The following PTPRM variants were observed in gnomAD, a reference collection of about 807,000 sequenced individuals.
PTPRM encodes receptor-type tyrosine-protein phosphatase mu.
Under a neutral mutation model 186.7 loss-of-function variants are expected in PTPRM, and 47 were observed. That is an observed-to-expected ratio of 0.25 (90% confidence interval 0.20 to 0.32). The LOEUF is 0.32. Among genes scored for constraint, PTPRM ranks in the 10% least tolerant of loss-of-function variants. PTPRM has a pLI of 1.00. For missense variants in PTPRM, 1,494 were observed against 1,865.0 expected (o/e 0.80, Z 3.66); for synonymous variants, 668 against 674.9 (o/e 0.99, Z 0.16).
In PTPRM at chr18:8,394,541, A is replaced by G; in HGVS notation, c.4274A>G (p.Gln1425Arg). The G allele has an allele frequency of 6.2e-7, 1 of 1,613,902 alleles. No individual in the cohort carries two copies. The highest frequency in any genetic ancestry group is 8.5e-7 in the Non-Finnish European group (1 of 1,179,942). The part of the protein sequence containing the change: ...ISIVCEMLRH[Q>R]RTVDVFHAVK... ...ATCGTATGTGAGATGCTCCGGCACC[A>G]GAGAACCGTGGATGTCTTTCACGCT... The change falls in exon 32 of 33, where the codon CAG becomes CGG. Residue 1425 changes from glutamine (Q) to arginine (R), a missense_variant. By Grantham distance (43) the Gln-to-Arg change is conservative. Coordinates refer to ENST00000580170, the MANE Select transcript of PTPRM (RefSeq NM_001105244.2).
At chr18:7,927,264 T>C (rs950800676) in intron 5 of PTPRM, among the ~76,000 whole-genome samples, 1 of 152,190 alleles carries the variant, frequency 6.6e-6, no homozygotes, top group Admixed American at 6.5e-5. Context: ...TCAGGAATCC[T>C]GACAGAATGA....
At chr18:7,805,356 T>G (rs903054686) in intron 2 of PTPRM, among the ~76,000 whole-genome samples, 11 of 152,218 alleles carry the variant, frequency 7.2e-5, no homozygotes, top group Admixed American at 3.9e-4. Flanking sequence ...TCTACCCATT[T>G]CTTTCCAGAA....
chr18:7,941,404 A>G (rs1568044709), intron 5 of PTPRM, among the ~76,000 whole-genome samples: 2 of 152,258 alleles, frequency 1.3e-5, no homozygotes, highest in Admixed American at 1.3e-4. Flanking sequence ...ATTGTTATGT[A>G]TGTTTTAATG....
chr18:7,705,227 C>G (rs1467619371), intron 1 of PTPRM, among the ~76,000 whole-genome samples: 2 of 152,020 alleles, frequency 1.3e-5, no homozygotes, highest in African/African-American at 4.8e-5. Context: ...GCATGACCTA[C>G]TTTTACAATA....
intron 1 of PTPRM, among the ~76,000 whole-genome samples, chr18:7,732,580 C>T (rs1051397259): frequency 3.3e-5 from 5 of 152,112 alleles, no homozygotes; most frequent in African/African-American, 4.8e-5. Context: ...GATCATAGCT[C>T]ACTGCAGCCT....
At chr18:8,165,196 GAAAT>G in intron 14 of PTPRM, among the ~76,000 whole-genome samples, 1 of 151,192 alleles carries the variant, frequency 6.6e-6, no homozygotes, top group Non-Finnish European at 1.5e-5. Flanking sequence ...AAGAAAGAAA[GAAAT>G]GTTCTAATAC....
At chr18:7,618,170 A>G (rs1183087882) in intron 1 of PTPRM, among the ~76,000 whole-genome samples, 1 of 152,194 alleles carries the variant, frequency 6.6e-6, no homozygotes, top group Non-Finnish European at 1.5e-5. Flanking sequence ...TCTCCACTCA[A>G]AAAACTTTTC....
At chr18:8,078,659 A>C (rs1242899032) in intron 9 of PTPRM, among the ~76,000 whole-genome samples, 1 of 152,208 alleles carries the variant, frequency 6.6e-6, no homozygotes, top group African/African-American at 2.4e-5. Context: ...GAAATGCCAG[A>C]GGCTTGGTAA....
In PTPRM at chr18:8,379,209, A is replaced by G. The variant is rs778224975; in HGVS notation, c.3655A>G (p.Ser1219Gly). Residue 1219 changes from serine (S) to glycine (G), a missense_variant, in exon 28 of 33, where the codon AGC becomes GGC. Physicochemically the swap from Ser to Gly is moderately conservative, Grantham distance 56. Coordinates refer to ENST00000580170, the MANE Select transcript of PTPRM (RefSeq NM_001105244.2). ...ACCAACGCTGCGAGTAGAGGACTGCAGCATCGCACTGTTGCCCCGGAACCA... is the reference window on the plus strand; with the variant it reads ...ACCAACGCTGCGAGTAGAGGACTGCGGCATCGCACTGTTGCCCCGGAACCA... ...VTPTLRVEDC[S>G]IALLPRNHEK... 1.2e-6 allele frequency: 2 copies of G among 1,613,766 alleles called. No individual in the cohort carries two copies. The highest frequency in any genetic ancestry group is 3.3e-5 in the Admixed American group (2 of 59,992).
chr18:8,404,788 G>C (rs1269602269), intron 32 of PTPRM: 1 of 152,274 alleles, frequency 6.6e-6, no homozygotes, highest in Non-Finnish European at 1.5e-5. Context: ...TCTGTCCAGG[G>C]CCGGGCTCCT....
chr18:7,712,612 A>T (rs1205770942), intron 1 of PTPRM, among the ~76,000 whole-genome samples: 2 of 152,062 alleles, frequency 1.3e-5, no homozygotes, highest in African/African-American at 4.8e-5. Context: ...AAGGAAGCTA[A>T]GAATCTTGAA....
At chr18:8,292,404 T>C (rs2095052173) in intron 19 of PTPRM, among the ~76,000 whole-genome samples, 2 of 152,216 alleles carry the variant, frequency 1.3e-5, no homozygotes, top group Non-Finnish European at 2.9e-5. Flanking sequence ...ATAGGTTTAT[T>C]ACTTATTTTC....
intron 2 of PTPRM, among the ~76,000 whole-genome samples, chr18:7,787,353 C>T (rs968265425): frequency 1.3e-5 from 2 of 152,302 alleles, no homozygotes; most frequent in Middle Eastern, 3.4e-3. Context: ...CTGTGGTTGT[C>T]AGCGTTGTTG....
intron 2 of PTPRM, among the ~76,000 whole-genome samples, chr18:7,794,030 G>A (rs2043474706): frequency 1.3e-5 from 2 of 152,122 alleles, no homozygotes; most frequent in Non-Finnish European, 2.9e-5. Flanking sequence ...GGAGAGCCTG[G>A]GCCACTAAGT....
chr18:7,731,635 A>G (rs1480547330), intron 1 of PTPRM, among the ~76,000 whole-genome samples: 1 of 152,142 alleles, frequency 6.6e-6, no homozygotes, highest in African/African-American at 2.4e-5. Flanking sequence ...CTTTTCTTTG[A>G]TCCTACCATG....
chr18:8,361,469 T>C (rs1214601539), intron 23 of PTPRM, among the ~76,000 whole-genome samples: 1 of 152,166 alleles, frequency 6.6e-6, no homozygotes, highest in Non-Finnish European at 1.5e-5. Flanking sequence ...ATCAGAGTGA[T>C]TAAGAAATAG....
chr18:8,222,089 G>C (rs1117757), intron 14 of PTPRM, among the ~76,000 whole-genome samples: 6 of 151,922 alleles, frequency 3.9e-5, no homozygotes, highest in Non-Finnish European at 7.4e-5. Flanking sequence ...TCTTTGCTCA[G>C]TTAAACTCCA....
At chr18:7,901,900 C>G (rs1333510734) in intron 3 of PTPRM, among the ~76,000 whole-genome samples, 1 of 152,134 alleles carries the variant, frequency 6.6e-6, no homozygotes, top group East Asian at 1.9e-4. Context: ...GATGAAGCAG[C>G]TAATAAAACT....
At chr18:8,140,517 A>G (rs778139154) in intron 13 of PTPRM, among the ~76,000 whole-genome samples, 1 of 151,062 alleles carries the variant, frequency 6.6e-6, no homozygotes, top group African/African-American at 2.4e-5. Flanking sequence ...TTTGACTGGA[A>G]TACCACTCTT....
Sources: gnomAD v4.1 joint callset for allele counts (sites outside exome capture counted in the v4.1 genomes callset) on GRCh38, gnomAD v4.1.1 for gene constraint, MANE v1.5 for transcripts, NCBI Gene and HGNC (gene_info 2026-07-23, HGNC 2026-07-21) for gene names.